TADA3: variants seen among roughly 807,000 people sequenced by gnomAD.
TADA3 encodes transcriptional adapter 3.
A neutral mutation model predicts 43.2 loss-of-function variants in TADA3; 25 were observed. The observed-to-expected ratio is 0.58, with a 90% CI of 0.42 to 0.81. The LOEUF (loss-of-function observed/expected upper bound fraction) is 0.81, where lower values mean the gene tolerates loss of function less well. Among genes scored for constraint, TADA3 ranks in the 30% least tolerant of loss-of-function variants. TADA3 has a pLI of 0.00. For synonymous variants in TADA3, 235 were observed against 225.5 expected, an observed-to-expected ratio of 1.04 and a Z score of -0.38; for missense variants, 441 against 567.8, an observed-to-expected ratio of 0.78 and a Z score of 2.27.
intron 4 of TADA3, 91 bp from the exon 5 acceptor site, chr3:9,787,431 T>C: frequency 6.7e-7 from 1 of 1,496,530 alleles, no homozygotes; most frequent in African/African-American, 1.4e-5. Context: ...TATATCTCTC[T>C]CAAGTCCCTA....
intron 2 of TADA3, among the ~76,000 whole-genome samples, chr3:9,790,752 T>C (rs1166806042): frequency 6.6e-6 from 1 of 152,222 alleles, no homozygotes; most frequent in Non-Finnish European, 1.5e-5. Flanking sequence ...TAGGTCCTAT[T>C]ATTCACCCCA....
rs1429889584 is a variant in TADA3 at position 9,780,460 on chromosome 3, A to G, written c.1196T>C (p.Met399Thr). The G allele has an allele frequency of 5.0e-6, 8 of 1,611,938 alleles. No homozygotes were observed. Among genetic ancestry groups the G allele is most frequent in the Non-Finnish European group, 6.8e-6 (8 of 1,179,988 alleles). ...NEVMDAFRKI[M>T]AARQKKRTPT... ...AGTCCGCTTCTTCTGCCGGGCAGCC[A>G]TGATCTTGCGAAAGGCGTCCATGAC... Residue 399 changes from methionine (M) to threonine (T), a missense_variant, in exon 9 of 9, where the codon ATG becomes ACG. Physicochemically the swap from Met to Thr is moderately conservative, Grantham distance 81. Transcript: ENST00000301964.
chr3:9,783,991 G>A, intron 8 of TADA3, 37 bp downstream of exon 8: 1 of 1,584,660 alleles, frequency 6.3e-7, no homozygotes, highest in Non-Finnish European at 8.6e-7. Flanking sequence ...CAGCCTCCAA[G>A]GCCACCCCCG....
chr3:9,781,820 T>C (rs1446344707), intron 8 of TADA3, among the ~76,000 whole-genome samples: 1 of 150,516 alleles, frequency 6.6e-6, no homozygotes, highest in Non-Finnish European at 1.5e-5. Context: ...CATTTCTTCA[T>C]TGCCCATTAC....
chr3:9,792,788 G>A (rs750853249), upstream of TADA3: 28 of 1,262,558 alleles, frequency 2.2e-5, no homozygotes, highest in South Asian at 6.9e-4. Flanking sequence ...CTAATTTGGT[G>A]CCCAATCTGA....
rs1448838827 is a variant in TADA3 at position 9,785,300 on chromosome 3, A to T, written c.920+16T>A. The T allele has an allele frequency of 6.3e-7, 1 of 1,598,242 alleles. No homozygotes were observed. Among genetic ancestry groups the T allele is most frequent in the Non-Finnish European group, 8.6e-7 (1 of 1,167,248 alleles). ...GCGGGGGCCAGACTGTGGGTTGTGG[A>T]TAGGACACCACTCACCTGAAGGGCT... On this transcript the variant is annotated intron_variant, in intron 7 of 8. Transcript: ENST00000301964.
chr3:9,792,947 T>G, upstream of TADA3: 1 of 1,410,586 alleles, frequency 7.1e-7, no homozygotes, highest in South Asian at 1.5e-5. Context: ...CAGCCCTAGG[T>G]GGAAAACTTC....
At chr3:9,789,050 G>C (rs962299999) in intron 4 of TADA3, among the ~76,000 whole-genome samples, 1 of 151,934 alleles carries the variant, frequency 6.6e-6, no homozygotes, top group Non-Finnish European at 1.5e-5. Context: ...TGCCCAGGCT[G>C]GTCTCAAATT....
chr3:9,788,082 AG>A (rs2078657020), intron 4 of TADA3: 1 of 232,280 alleles, frequency 4.3e-6, no homozygotes, highest in African/African-American at 2.2e-5. Context: ...TTGATCCTGT[AG>A]ATAACGGGAG....
intron 3 of TADA3, 30 bp from the exon 4 acceptor site, chr3:9,789,644 GC>G: frequency 6.2e-7 from 1 of 1,611,484 alleles, no homozygotes; most frequent in Non-Finnish European, 8.5e-7. Flanking sequence ...CTGAGTGGGC[GC>G]CCCTGCCCCA....
chr3:9,784,961 G>A (rs1296017292), intron 7 of TADA3, among the ~76,000 whole-genome samples: 1 of 151,772 alleles, frequency 6.6e-6, no homozygotes, highest in East Asian at 1.9e-4. Flanking sequence ...TTCTCCACTT[G>A]TCACTCTATA....
chr3:9,789,301 C>T (rs1575308095), intron 4 of TADA3, among the ~76,000 whole-genome samples: 1 of 151,958 alleles, frequency 6.6e-6, no homozygotes, highest in Admixed American at 6.6e-5. Context: ...TGCTTGAGGG[C>T]GTGTTGACAT....
Position 9,780,268 on chromosome 3 carries a change from C to T in TADA3, c.*89G>A. Reference sequence around the variant, plus strand: ...ACTGCCGCCATTTGAGGGACAGCCACAGGCCAATGTTTCCTGTGCCCAAAG... The same window carrying T: ...ACTGCCGCCATTTGAGGGACAGCCATAGGCCAATGTTTCCTGTGCCCAAAG... On this transcript the variant is annotated 3_prime_UTR_variant, in exon 9 of 9. Coordinates refer to ENST00000301964, the MANE Select transcript of TADA3 (RefSeq NM_006354.5). 7.1e-7 allele frequency: 1 copy of T among 1,403,604 alleles called. No homozygotes were observed. Among genetic ancestry groups the T allele is most frequent in the Non-Finnish European group, 9.7e-7 (1 of 1,033,402 alleles). The allele number at this position is 1,403,604 out of a possible 1,614,324, so 86.9% of individuals were successfully genotyped here.
At chr3:9,786,414 C>A (rs3872718) in intron 6 of TADA3, among the ~76,000 whole-genome samples, 39,942 of 152,052 alleles carry the variant, frequency 0.26, 5,673 homozygotes, top group East Asian at 0.57. Context: ...GAGATAAACT[C>A]TTGTGTTTGA....
chr3:9,791,243 C>T lies in TADA3; in HGVS notation c.207+17G>A, dbSNP rs1024010798. The T allele has an allele frequency of 2.2e-5, 35 of 1,605,296 alleles. No individual in the cohort carries two copies. Among genetic ancestry groups the T allele is most frequent in the Non-Finnish European group, 2.9e-5 (34 of 1,176,120 alleles). On this transcript the variant is annotated intron_variant, in intron 2 of 8. Coordinates refer to ENST00000301964, the MANE Select transcript of TADA3 (RefSeq NM_006354.5). ...TGCAGTCCATCTCTGGTGCTGGCCC[C>T]TCTCTGGGGTTATCACCTGGGTTTC...
intron 6 of TADA3, among the ~76,000 whole-genome samples, chr3:9,785,937 G>GT (rs1360184279): frequency 3.4e-5 from 5 of 144,942 alleles, no homozygotes; most frequent in Non-Finnish European, 6.1e-5. Context: ...TCCTTGTTTT[G>GT]TTTTGTTTTT....
chr3:9,781,543 C>G (rs188667543), intron 8 of TADA3: 5 of 456,640 alleles, frequency 1.1e-5, no homozygotes, highest in African/African-American at 8.0e-5. Context: ...GGCCTGCTTA[C>G]GTCGGCATCT....
intron 8 of TADA3, chr3:9,783,316 ATTT>A (rs1386747138): frequency 6.6e-6 from 1 of 151,552 alleles, no homozygotes; most frequent in Non-Finnish European, 1.5e-5. Context: ...AGAAGCGTAA[ATTT>A]TTTTTCTTTT....
chr3:9,781,461 G>C, intron 8 of TADA3: 1 of 449,588 alleles, frequency 2.2e-6, no homozygotes, highest in South Asian at 1.6e-5. Context: ...GTGAGGGGGA[G>C]ATCTGGAGCA....
Sources: allele counts gnomAD v4.1 joint callset (sites outside exome capture counted in the v4.1 genomes callset), GRCh38; gene constraint gnomAD v4.1.1; transcripts MANE v1.5; gene names NCBI Gene and HGNC (gene_info 2026-07-23, HGNC 2026-07-21).